GUCY1A2: variants seen among roughly 807,000 people sequenced by gnomAD.
GUCY1A2 encodes the protein guanylate cyclase 1 soluble subunit alpha 2.
In GUCY1A2, 27 loss-of-function variants were observed where a neutral mutation model predicts 63.5. The observed-to-expected ratio is 0.43, with a 90% CI of 0.31 to 0.59. GUCY1A2 has a LOEUF of 0.59. Among genes scored for constraint, GUCY1A2 ranks in the 20% least tolerant of loss-of-function variants. The probability of loss-of-function intolerance (pLI) is 0.11; values close to 1 mark genes in which losing one functional copy is unlikely to be tolerated. For synonymous variants in GUCY1A2, 364 were observed against 343.5 expected (o/e 1.06, Z -0.66); for missense variants, 768 against 913.3 (o/e 0.84, Z 2.05).
intron 4 of GUCY1A2, among the ~76,000 whole-genome samples, chr11:106,908,291 A>C (rs1328966393): frequency 6.6e-6 from 1 of 152,040 alleles, no homozygotes; most frequent in Non-Finnish European, 1.5e-5. Context: ...TAATCTATAA[A>C]TATAACGTAG....
chr11:106,866,066 T>C (rs1023935321), intron 4 of GUCY1A2, among the ~76,000 whole-genome samples: 9 of 152,006 alleles, frequency 5.9e-5, no homozygotes, highest in Admixed American at 6.6e-5. Flanking sequence ...TATTCACTTA[T>C]GCTTTTATTT....
chr11:106,765,665 G>A (rs549306974), intron 6 of GUCY1A2, among the ~76,000 whole-genome samples: 2 of 152,176 alleles, frequency 1.3e-5, no homozygotes, highest in African/African-American at 4.8e-5. Flanking sequence ...GACACCCCAT[G>A]CATACTCCGG....
chr11:106,826,641 C>G (rs1411477053), intron 4 of GUCY1A2: 9 of 1,607,268 alleles, frequency 5.6e-6, no homozygotes, highest in Middle Eastern at 1.7e-4. Context: ...GCAGTACAAC[C>G]TTATAGTTAA....
At chr11:106,953,385 G>A (rs962144681) in intron 3 of GUCY1A2, among the ~76,000 whole-genome samples, 1 of 152,150 alleles carries the variant, frequency 6.6e-6, no homozygotes, top group Non-Finnish European at 1.5e-5. Context: ...ACTTGCTCAT[G>A]GTGGATAAGT....
chr11:106,923,793 T>A (rs960785601), intron 4 of GUCY1A2, among the ~76,000 whole-genome samples: 1 of 152,126 alleles, frequency 6.6e-6, no homozygotes, highest in African/African-American at 2.4e-5. Flanking sequence ...AAAAGCCTTA[T>A]GAGACAAAGG....
intron 5 of GUCY1A2, among the ~76,000 whole-genome samples, chr11:106,785,756 G>T (rs1158465282): frequency 6.6e-6 from 1 of 152,052 alleles, no homozygotes; most frequent in Admixed American, 6.6e-5. Flanking sequence ...TCAAAATATG[G>T]ATATAAGGGC....
chr11:106,867,412 A>G (rs1202056945), intron 4 of GUCY1A2, among the ~76,000 whole-genome samples: 2 of 152,072 alleles, frequency 1.3e-5, no homozygotes, highest in Non-Finnish European at 2.9e-5. Context: ...CCAGTTAGGA[A>G]GAGAAAACAG....
chr11:106,788,036 C>A (rs755048478), intron 5 of GUCY1A2, among the ~76,000 whole-genome samples: 4 of 152,108 alleles, frequency 2.6e-5, no homozygotes, highest in Non-Finnish European at 5.9e-5. Context: ...TCCAGATTTT[C>A]TCCAGTATTT....
chr11:106,712,269 T>C (rs1194405143), intron 6 of GUCY1A2, among the ~76,000 whole-genome samples: 1 of 152,142 alleles, frequency 6.6e-6, no homozygotes, highest in African/African-American at 2.4e-5. Flanking sequence ...AATATTTTCT[T>C]TTGCAATGTC....
At chr11:106,713,363 C>T (rs1385995690) in intron 6 of GUCY1A2, among the ~76,000 whole-genome samples, 1 of 152,072 alleles carries the variant, frequency 6.6e-6, no homozygotes, top group Non-Finnish European at 1.5e-5. Flanking sequence ...AAACTTAAGC[C>T]TGTTTCTGAT....
chr11:106,754,146 GCT>G (rs531484639), intron 6 of GUCY1A2, among the ~76,000 whole-genome samples: 1 of 151,938 alleles, frequency 6.6e-6, no homozygotes, highest in Non-Finnish European at 1.5e-5. Context: ...TCATGATTTG[GCT>G]CTCTGTTTGT....
intron 7 of GUCY1A2, among the ~76,000 whole-genome samples, chr11:106,699,344 A>C (rs1385540458): frequency 2.0e-5 from 3 of 152,236 alleles, no homozygotes; most frequent in Non-Finnish European, 4.4e-5. Context: ...CTTAGTAACT[A>C]ATTTTCACCT....
intron 4 of GUCY1A2, among the ~76,000 whole-genome samples, chr11:106,848,930 T>G (rs1260977729): frequency 6.6e-6 from 1 of 151,680 alleles, no homozygotes; most frequent in Non-Finnish European, 1.5e-5. Flanking sequence ...AAGTTACGTT[T>G]TGAATTTTAC....
chr11:106,865,255 T>G (rs577610358), intron 4 of GUCY1A2, among the ~76,000 whole-genome samples: 1 of 152,274 alleles, frequency 6.6e-6, no homozygotes, highest in South Asian at 2.1e-4. Context: ...TCTTTTATCA[T>G]TTTTTATTGT....
intron 4 of GUCY1A2, among the ~76,000 whole-genome samples, chr11:106,867,759 G>C (rs576671068): frequency 6.6e-6 from 1 of 152,048 alleles, no homozygotes. Flanking sequence ...TCACTGAATC[G>C]TTGATTTTAT....
intron 4 of GUCY1A2, among the ~76,000 whole-genome samples, chr11:106,825,260 C>T (rs1018988899): frequency 6.6e-6 from 1 of 151,956 alleles, no homozygotes; most frequent in Non-Finnish European, 1.5e-5. Flanking sequence ...ATATACTTAG[C>T]TATATTTTTT....
intron 4 of GUCY1A2, among the ~76,000 whole-genome samples, chr11:106,924,558 C>A (rs1860495666): frequency 6.6e-6 from 1 of 152,146 alleles, no homozygotes; most frequent in Non-Finnish European, 1.5e-5. Context: ...GCTATATAAC[C>A]TTAGAAAAGT....
At chr11:106,810,505 C>A in intron 4 of GUCY1A2, 27 bp from the exon 5 acceptor site, 1 of 1,545,184 alleles carries the variant, frequency 6.5e-7, no homozygotes, top group Non-Finnish European at 8.7e-7. Context: ...GAATTTTGAT[C>A]AGTACTCTTC....
intron 4 of GUCY1A2, chr11:106,824,966 T>C (rs1405278852): frequency 1.9e-6 from 3 of 1,612,736 alleles, no homozygotes; most frequent in Non-Finnish European, 2.5e-6. Context: ...GACATGAATG[T>C]TACTAAATTT....
Sources: gnomAD v4.1 joint callset for allele counts (sites outside exome capture counted in the v4.1 genomes callset) on GRCh38, gnomAD v4.1.1 for gene constraint, MANE v1.5 for transcripts, NCBI Gene and HGNC (gene_info 2026-07-23, HGNC 2026-07-21) for gene names.